RFC1: variants seen among roughly 807,000 people sequenced by gnomAD.
RFC1 encodes A1 140 kDa subunit.
A neutral mutation model predicts 137.4 loss-of-function variants in RFC1; 37 were observed. The observed-to-expected ratio is 0.27, with a 90% CI of 0.21 to 0.35. The LOEUF is 0.35. Among genes scored for constraint, RFC1 ranks in the 10% least tolerant of loss-of-function variants. RFC1 has a pLI of 1.00. For synonymous variants in RFC1, 429 were observed against 455.7 expected, an observed-to-expected ratio of 0.94 and a Z score of 0.75; for missense variants, 1,205 against 1,358.5, an observed-to-expected ratio of 0.89 and a Z score of 1.78.
chr4:39,350,153 TG>T (rs1482702891), intron 2 of RFC1, among the ~76,000 whole-genome samples: 1 of 149,630 alleles, frequency 6.7e-6, no homozygotes, highest in Non-Finnish European at 1.5e-5. Flanking sequence ...AACAGTAAAT[TG>T]GTGATAAAAG....
chr4:39,302,519 G>A lies in RFC1; in HGVS notation c.2417C>T (p.Ala806Val). 2 of 1,605,446 alleles carry A rather than the reference G, an allele frequency of 1.2e-6. No individual in the cohort carries two copies. Among genetic ancestry groups the A allele is most frequent in the Non-Finnish European group, 8.5e-7 (1 of 1,172,836 alleles). Residue 806 changes from alanine (A) to valine (V), a missense_variant, in exon 18 of 25, where the codon GCC becomes GTC. By Grantham distance (64) the Ala-to-Val change is moderately conservative. Transcript: ENST00000349703. ...PPAMNEIILGANQDIRQVLHN... is the reference protein window; with the variant it reads ...PPAMNEIILGVNQDIRQVLHN... ...ATTTACCTGTCTGATATCTTGATTG[G>A]CTCCCAAAATTATTTCATTCATAGC...
chr4:39,294,681 A>G (rs1389528336), intron 22 of RFC1, among the ~76,000 whole-genome samples: 1 of 151,774 alleles, frequency 6.6e-6, no homozygotes, highest in African/African-American at 2.4e-5. Flanking sequence ...ATAAAAAAAA[A>G]AAAAGAAAAG....
intron 9 of RFC1, among the ~76,000 whole-genome samples, chr4:39,318,429 A>G (rs1739355944): frequency 6.6e-6 from 1 of 152,250 alleles, no homozygotes; most frequent in South Asian, 2.1e-4. Context: ...CACTCATTCT[A>G]TGAAAAGAAT....
In RFC1 at chr4:39,288,841, T is replaced by C; in HGVS notation, c.3364A>G (p.Lys1122Glu). The change falls in exon 25 of 25, where the codon AAG becomes GAG. Residue 1122 changes from lysine (K) to glutamate (E), a missense_variant. Transcript: ENST00000349703. ...AIETDAMIKK[K>E]TKSSKPSKPE... is the part of the protein sequence containing the mutation. ...TTTGAAGGCTTTGAAGATTTTGTCT[T>C]TTTCTGTTAGGGGGAAGATAACAAA... The C allele has an allele frequency of 1.9e-6, 3 of 1,604,574 alleles. No homozygotes were observed. The highest frequency in any genetic ancestry group is 8.5e-7 in the Non-Finnish European group (1 of 1,172,512).
chr4:39,312,061 T>C (rs1455101053), intron 11 of RFC1, among the ~76,000 whole-genome samples: 5 of 152,214 alleles, frequency 3.3e-5, no homozygotes, highest in Non-Finnish European at 2.9e-5. Context: ...ATGAGCCTTA[T>C]GTGAAATTCT....
intron 1 of RFC1, among the ~76,000 whole-genome samples, chr4:39,361,603 T>C (rs1055771134): frequency 6.6e-6 from 1 of 152,148 alleles, no homozygotes; most frequent in African/African-American, 2.4e-5. Flanking sequence ...AGTAAACCCA[T>C]GTGTTTACAG....
At chr4:39,320,751 T>A in intron 8 of RFC1, 82 bp from the exon 9 acceptor site, 2 of 1,354,614 alleles carry the variant, frequency 1.5e-6, no homozygotes, top group Non-Finnish European at 9.9e-7. Context: ...TTCAACTGAG[T>A]AATCTTAGCA....
At chr4:39,347,562 CA>C (rs955974077) in intron 2 of RFC1, among the ~76,000 whole-genome samples, 3 of 152,026 alleles carry the variant, frequency 2.0e-5, no homozygotes, top group African/African-American at 7.3e-5. Flanking sequence ...AACAAACAAA[CA>C]AAAACAAAAC....
intron 1 of RFC1, among the ~76,000 whole-genome samples, chr4:39,351,966 C>CAAAAAAA (rs570668838): frequency 1.7e-5 from 1 of 57,830 alleles, no homozygotes; most frequent in African/African-American, 5.8e-5. Context: ...GACTCCGTCT[C>CAAAAAAA]AAAAAAAAAA....
intron 5 of RFC1, 137 bp downstream of exon 5, chr4:39,327,387 C>T (rs1303322452): frequency 2.1e-6 from 1 of 476,858 alleles, no homozygotes. Context: ...GAGGGCAATA[C>T]ATTTTATCCA....
At chr4:39,356,168 A>T (rs1202555716) in intron 1 of RFC1, among the ~76,000 whole-genome samples, 1 of 152,172 alleles carries the variant, frequency 6.6e-6, no homozygotes, top group East Asian at 1.9e-4. Context: ...TGGGAGGCCG[A>T]GGCGGGTGGA....
intron 4 of RFC1, among the ~76,000 whole-genome samples, chr4:39,331,146 A>T (rs902879385): frequency 3.9e-5 from 6 of 152,120 alleles, no homozygotes; most frequent in African/African-American, 1.4e-4. Context: ...AGAAACTCAA[A>T]TTTTTTTAAT....
At chr4:39,333,349 T>G (rs143608114) in intron 4 of RFC1, among the ~76,000 whole-genome samples, 1 of 152,262 alleles carries the variant, frequency 6.6e-6, no homozygotes, top group Non-Finnish European at 1.5e-5. Context: ...ACCAGAACCT[T>G]AAAGAAGTTC....
chr4:39,300,361 G>A lies in RFC1; in HGVS notation c.2589C>T (p.His863=), dbSNP rs1027924484. The change falls in exon 20 of 25, where the codon CAC becomes CAT. Residue 863 remains histidine, a synonymous_variant. Transcript: ENST00000349703. ...KVFAAGEETA[H]MSLVDKSDLF... ...GATCTGACTTGTCCACAAGTGACAT[G>A]TGAGCAGTCTCCTCTCCAGCTGCAA... The A allele has an allele frequency of 8.7e-6, 14 of 1,613,906 alleles. No individual in the cohort carries two copies. The highest frequency in any genetic ancestry group is 1.7e-5 in the Admixed American group (1 of 60,006).
intron 22 of RFC1, among the ~76,000 whole-genome samples, chr4:39,294,672 TAA>T (rs1193684558): frequency 1.6e-4 from 13 of 80,382 alleles, no homozygotes; most frequent in Admixed American, 2.5e-4. Flanking sequence ...TCTGTCTCAA[TAA>T]AAAAAAAAAA....
rs1201476638 is a variant in RFC1 at position 39,288,066 on chromosome 4, G to A, written c.*695C>T. On this transcript the variant is annotated 3_prime_UTR_variant, in exon 25 of 25. Transcript: ENST00000349703. ...CTGGGAATCCGAGTTCTGACTCCTCGACTGCCAATGTTATGTTTCACACAA... is the reference window on the plus strand; with the variant it reads ...CTGGGAATCCGAGTTCTGACTCCTCAACTGCCAATGTTATGTTTCACACAA... 3 of 152,174 alleles carry A rather than the reference G, an allele frequency of 2.0e-5. No homozygotes were observed. The highest frequency in any genetic ancestry group is 2.1e-4 in the South Asian group (1 of 4,826). The allele number at this position is 152,174 out of a possible 1,614,324, so 9.4% of individuals were successfully genotyped here. A position where few individuals can be genotyped will look rare whatever the true frequency, so the allele number is the denominator to read the frequency against.
At chr4:39,360,933 T>C (rs1276150013) in intron 1 of RFC1, among the ~76,000 whole-genome samples, 1 of 152,162 alleles carries the variant, frequency 6.6e-6, no homozygotes, top group Non-Finnish European at 1.5e-5. Flanking sequence ...GCCCACCAAA[T>C]CCATGAGCAG....
intron 1 of RFC1, chr4:39,365,470 A>C (rs1429354606): frequency 1.0e-6 from 1 of 985,286 alleles, no homozygotes; most frequent in Non-Finnish European, 1.2e-6. Context: ...ACCATCAGGA[A>C]TGTCTGCTTT....
At chr4:39,294,307 G>A (rs985578157) in intron 22 of RFC1, among the ~76,000 whole-genome samples, 6 of 152,184 alleles carry the variant, frequency 3.9e-5, no homozygotes, top group Admixed American at 3.9e-4. Context: ...AGTGGAATGG[G>A]GGATCAAATA....
Sources: gnomAD v4.1 joint callset for allele counts (sites outside exome capture counted in the v4.1 genomes callset) on GRCh38, gnomAD v4.1.1 for gene constraint, MANE v1.5 for transcripts, NCBI Gene and HGNC (gene_info 2026-07-23, HGNC 2026-07-21) for gene names.